The following CPNE7 variants were observed in gnomAD, a reference collection of about 807,000 sequenced individuals.
CPNE7 encodes the protein copine 7, also known as copine-7.
A neutral mutation model predicts 66.5 loss-of-function variants in CPNE7; 78 were observed. The observed-to-expected ratio is 1.17, with a 90% CI of 0.98 to 1.42. The LOEUF (loss-of-function observed/expected upper bound fraction) is 1.42, where lower values mean the gene tolerates loss of function less well. Among genes scored for constraint, CPNE7 ranks in the 40% most tolerant of loss-of-function variants. The pLI is 0.00. For synonymous variants in CPNE7, 468 were observed against 336.7 expected (o/e 1.39, Z -4.27); for missense variants, 1,012 against 776.6 (o/e 1.30, Z -3.60).
At position 89,589,963 on chromosome 16, in the gene CPNE7, C is replaced by T. The variant is rs748906075; in HGVS notation, c.1116+12C>T. The T allele has an allele frequency of 3.7e-6, 6 of 1,613,384 alleles. No individual in the cohort carries two copies. Among genetic ancestry groups the T allele is most frequent in the Middle Eastern group, 1.7e-4 (1 of 6,058 alleles). ...CTCCCAAGTATGAGGTAGGAGAGCC[C>T]AGAACCTGAGACCTCAGAGCTGTGC... On this transcript the variant is annotated intron_variant, in intron 11 of 14. Coordinates refer to ENST00000319518, the MANE Select transcript of CPNE7 (RefSeq NM_153636.3).
intron 13 of CPNE7, among the ~76,000 whole-genome samples, chr16:89,591,504 C>G (rs1459740926): frequency 6.6e-6 from 1 of 152,180 alleles, no homozygotes; most frequent in Non-Finnish European, 1.5e-5. Flanking sequence ...CGAGGCTGCC[C>G]CTCTCCTCTT....
Position 89,588,352 on chromosome 16 carries a change from C to T in CPNE7, c.928-323C>T, listed in dbSNP as rs73264934. 5.1e-3 allele frequency among the ~76,000 whole-genome samples: 780 copies of T among 152,306 alleles called. 8 individuals carry two copies. The highest frequency in any genetic ancestry group is 0.018 in the African/African-American group (757 of 41,574). On this transcript the variant is annotated intron_variant, in intron 9 of 14. Transcript: ENST00000319518. ...TGGGGGGACCCAGACCAGGCTTGGT[C>T]CACTTAGGCCCTGCCGGGGAGGGTG...
In CPNE7 at chr16:89,588,812, C is replaced by T. The variant is rs372976528; in HGVS notation, c.1061+4C>T. On this transcript the variant is annotated splice_donor_region_variant and intron_variant, in intron 10 of 14. Coordinates refer to ENST00000319518, the MANE Select transcript of CPNE7 (RefSeq NM_153636.3). Reference sequence around the variant, plus strand: ...AGATCTGCCAGGACTATGACAGGTGCGCCCACCACCTTCCCCTCACCCCCT... The same window carrying T: ...AGATCTGCCAGGACTATGACAGGTGTGCCCACCACCTTCCCCTCACCCCCT... The T allele has an allele frequency of 2.1e-4, 334 of 1,613,034 alleles. 1 individual carries two copies. The highest frequency in any genetic ancestry group is 2.7e-4 in the Admixed American group (16 of 59,974).
chr16:89,593,042 C>T (rs56128121), intron 13 of CPNE7, among the ~76,000 whole-genome samples: 1 of 151,316 alleles, frequency 6.6e-6, no homozygotes, highest in Non-Finnish European at 1.5e-5. Context: ...AAACTCCTGA[C>T]CTCAAGTGAT....
chr16:89,584,060 C>G lies in CPNE7; in HGVS notation c.465C>G (p.Gly155=). The G allele has an allele frequency of 6.2e-7, 1 of 1,612,082 alleles. No individual in the cohort carries two copies. Among genetic ancestry groups the G allele is most frequent in the Non-Finnish European group, 8.5e-7 (1 of 1,179,630 alleles). Residue 155 remains glycine (G), a synonymous_variant, in exon 4 of 15, where the codon GGC becomes GGG. Transcript: ENST00000319518. This position sits in a 1 kb window ranked among gnomAD's most constrained non-coding sequence, Gnocchi z 6.0. ...VIAEDISGNN[G]YVELSFRARK... is the part of the protein sequence containing the mutation. ...CCGAGGACATCTCGGGGAACAACGG[C>G]TACGTGGAGCTCTCCTTCCGGGCCA...
At position 89,588,048 on chromosome 16, in the gene CPNE7, CACCCACAGATACACGGCCCCCCGTGTT is replaced by C. The variant is rs1307634013; in HGVS notation, c.928-605_928-579del. On this transcript the variant is annotated intron_variant, in intron 9 of 14. Coordinates refer to ENST00000319518, the MANE Select transcript of CPNE7 (RefSeq NM_153636.3). ...ACGGCCCCCCGTGTCACCCGCGTGT[CACCCACAGATACACGGCCCCCCGTGTT>C]ACCCACAGATACACGGCCCCCGTGT... is the stretch of plus-strand genomic sequence containing the variant. 7.4e-4 allele frequency among the ~76,000 whole-genome samples: 9 copies of C among 12,192 alleles called. 3 individuals are homozygous for C. In the South Asian group the frequency reaches 7.8e-3, roughly 11 times the overall value. 8.0% of individuals were successfully genotyped at this position (12,192 alleles called of 152,430 possible).
At chr16:89,587,518 C>T (rs1381097043) in intron 9 of CPNE7, 2 of 452,738 alleles carry the variant, frequency 4.4e-6, no homozygotes, top group South Asian at 3.1e-5. Context: ...GAGGTGACAT[C>T]ACCAGGGCTT....
chr16:89,583,298 G>A, intron 2 of CPNE7: 2 of 772,600 alleles, frequency 2.6e-6, no homozygotes, highest in Non-Finnish European at 4.4e-6. Flanking sequence ...CTGCTTCTGC[G>A]GGTTCTCACC....
chr16:89,577,539 G>A lies in CPNE7; in HGVS notation c.175G>A (p.Val59Met), dbSNP rs946587922. 8 of 1,551,224 alleles carry A rather than the reference G, an allele frequency of 5.2e-6. No individual in the cohort carries two copies. The African/African-American group carries it at 5.5e-5, about 11-fold the overall frequency. Residue 59 changes from valine to methionine, a missense_variant and splice_region_variant, in exon 2 of 15, where the codon GTG (valine) becomes ATG (methionine). Transcript: ENST00000319518. ...LQQAQGQWVQ[V>M]GRTEVVRSSL... is the part of the protein sequence containing the mutation. The stretch of plus-strand genomic sequence containing the variant: ...GGTCGGCTCACAGGTGCACTTGCAG[G>A]TGGGCAGAACCGAGGTGGTCCGGAG...
rs1187545159 is a variant in CPNE7 at position 89,588,593 on chromosome 16, C to T, written c.928-82C>T. 7.4e-5 allele frequency: 117 copies of T among 1,574,760 alleles called. 1 individual carries two copies. The East Asian group carries it at 2.6e-3, about 35-fold the overall frequency. On this transcript the variant is annotated intron_variant, in intron 9 of 14. Transcript: ENST00000319518. ...CCCCTGACCCTGAGTCCTGGCCACTCTGGGCGTGGTTTCTCTACCTGTCAG... is the reference window on the plus strand; with the variant it reads ...CCCCTGACCCTGAGTCCTGGCCACTTTGGGCGTGGTTTCTCTACCTGTCAG...
chr16:89,585,782 G>T lies in CPNE7; in HGVS notation c.777G>T (p.Gly259=). The change falls in exon 7 of 15, where the codon GGG becomes GGT. Residue 259 remains glycine (G), a synonymous_variant. Coordinates refer to ENST00000319518, the MANE Select transcript of CPNE7 (RefSeq NM_153636.3). The part of the protein sequence containing the change: ...FEEMQKAFEE[G]QAQWDCVNPK... ...AGATGCAGAAGGCCTTTGAGGAGGG[G>T]CAGGTGAGCAGGACGGGGTAGGGGG... 1 of 1,517,804 alleles carries T rather than the reference G, an allele frequency of 6.6e-7. No homozygotes were observed. Among genetic ancestry groups the T allele is most frequent in the Non-Finnish European group, 8.8e-7 (1 of 1,132,042 alleles). The allele number at this position is 1,517,804 out of a possible 1,614,324, so 94.0% of individuals were successfully genotyped here.
rs2058860651 is a variant in CPNE7 at position 89,576,412 on chromosome 16, G to T, written c.174+341G>T. 1.3e-5 allele frequency among the ~76,000 whole-genome samples: 2 copies of T among 152,002 alleles called. 1 individual carries two copies. The highest frequency in any genetic ancestry group is 6.4e-3 in the Middle Eastern group (2 of 314). On this transcript the variant is annotated intron_variant, in intron 1 of 14. Coordinates refer to ENST00000319518, the MANE Select transcript of CPNE7 (RefSeq NM_153636.3). ...AGGCGCGGGCAGGGGGCTCGACCAA[G>T]AGGCGCAAGGAGATTGAGGGGTGAG...
At chr16:89,586,851 G>C in intron 8 of CPNE7, 95 bp downstream of exon 8, 2 of 1,248,928 alleles carry the variant, frequency 1.6e-6, no homozygotes, top group East Asian at 2.4e-5. Flanking sequence ...CAGAGGCCTG[G>C]TGGGCCCCAG....
chr16:89,582,463 G>A (rs2058970373), intron 2 of CPNE7, among the ~76,000 whole-genome samples: 1 of 152,238 alleles, frequency 6.6e-6, no homozygotes, highest in South Asian at 2.1e-4. Flanking sequence ...GCCCTCCCTG[G>A]AAGCAAACCA....
chr16:89,585,358 G>A, intron 5 of CPNE7, 106 bp from the exon 6 acceptor site: 1 of 785,274 alleles, frequency 1.3e-6, no homozygotes, highest in Non-Finnish European at 2.2e-6. Flanking sequence ...GCAGGGGCAG[G>A]GCCAGCTGTG....
intron 5 of CPNE7, among the ~76,000 whole-genome samples, 157 bp downstream of exon 5, chr16:89,585,014 G>A (rs1050060394): frequency 6.3e-4 from 96 of 152,174 alleles, no homozygotes; most frequent in African/African-American, 2.2e-3. Context: ...ACAGGGAGCC[G>A]CAGGCGCAGG....
chr16:89,596,625 T>C lies in CPNE7; in HGVS notation c.*4T>C, dbSNP rs1460811734. 1 of 1,595,426 alleles carries C rather than the reference T, an allele frequency of 6.3e-7. No individual in the cohort carries two copies. The highest frequency in any genetic ancestry group is 8.5e-7 in the Non-Finnish European group (1 of 1,175,670). ...CAGCCCAGGCTGCACACCGTGAAGA[T>C]GTGGAGGGCGTAGGGTGGGGGCAGT... On this transcript the variant is annotated 3_prime_UTR_variant, in exon 15 of 15. Coordinates refer to ENST00000319518, the MANE Select transcript of CPNE7 (RefSeq NM_153636.3).
intron 7 of CPNE7, 51 bp downstream of exon 7, chr16:89,585,836 AG>A (rs1342894467): frequency 2.5e-4 from 5 of 19,718 alleles, no homozygotes; most frequent in South Asian, 1.1e-3. Flanking sequence ...GTGGGGGTGG[AG>A]GGGGGCCTTC....
intron 14 of CPNE7, 136 bp downstream of exon 14, chr16:89,595,739 T>A: frequency 1.2e-6 from 1 of 815,174 alleles, no homozygotes; most frequent in Non-Finnish European, 2.1e-6. Context: ...TCCTGGGCTG[T>A]TCCCCCCAGT....
Sources: allele counts gnomAD v4.1 joint callset (sites outside exome capture counted in the v4.1 genomes callset), GRCh38; gene constraint gnomAD v4.1.1; non-coding constraint Gnocchi (gnomAD v3.1); transcripts MANE v1.5; gene names NCBI Gene and HGNC (gene_info 2026-07-23, HGNC 2026-07-21).